Variants in GRIK1 observed in about 807,000 individuals in gnomAD.
GRIK1 encodes the protein glutamate receptor ionotropic, kainate 1.
GRIK1 carries 69 observed loss-of-function variants against 105.7 expected under a neutral mutation model. The ratio of observed to expected loss-of-function variants is 0.65; its 90% CI spans 0.54 to 0.80. GRIK1 has a LOEUF of 0.80. Among genes scored for constraint, GRIK1 ranks in the 30% least tolerant of loss-of-function variants. The probability of loss-of-function intolerance (pLI) is 0.00; values close to 1 mark genes in which losing one functional copy is unlikely to be tolerated. For synonymous variants in GRIK1, 438 were observed against 431.3 expected, an observed-to-expected ratio of 1.02 and a Z score of -0.19; for missense variants, 1,109 against 1,167.3, an observed-to-expected ratio of 0.95 and a Z score of 0.73.
chr21:29,740,353 G>A (rs2064896522), intron 1 of GRIK1, among the ~76,000 whole-genome samples: 1 of 152,044 alleles, frequency 6.6e-6, no homozygotes. Flanking sequence ...GAGTAGTTGG[G>A]ACTACAGGTA....
chr21:29,735,769 C>T (rs1486885101), intron 1 of GRIK1, among the ~76,000 whole-genome samples: 3 of 150,318 alleles, frequency 2.0e-5, no homozygotes, highest in Non-Finnish European at 2.9e-5. Context: ...TGGTAGCATG[C>T]ACCTGTAGTC....
chr21:29,754,119 G>A (rs2065275254), intron 1 of GRIK1, among the ~76,000 whole-genome samples: 1 of 152,118 alleles, frequency 6.6e-6, no homozygotes, highest in African/African-American at 2.4e-5. Flanking sequence ...ACTCTGCATA[G>A]TAAAATATTC....
At chr21:29,921,035 A>G (rs1257564382) in intron 1 of GRIK1, among the ~76,000 whole-genome samples, 1 of 152,148 alleles carries the variant, frequency 6.6e-6, no homozygotes, top group African/African-American at 2.4e-5. Flanking sequence ...CAACCTCAGC[A>G]CTGTTGGCAT....
intron 7 of GRIK1, among the ~76,000 whole-genome samples, chr21:29,630,305 T>C (rs879842644): frequency 6.6e-6 from 1 of 152,166 alleles, no homozygotes; most frequent in Non-Finnish European, 1.5e-5. Context: ...CCTATGCCCT[T>C]TGTAATTCCC....
intron 9 of GRIK1, among the ~76,000 whole-genome samples, chr21:29,594,214 C>T (rs114185387): frequency 0.019 from 2,917 of 151,924 alleles, 121 homozygotes; most frequent in African/African-American, 0.066. Context: ...TGTATGTGCA[C>T]GCATGTGTGT....
chr21:29,939,784 TCCCGGAG>T lies in GRIK1; in HGVS notation c.-291_-285del. ...CCGCGGAGGATCAGCGCTCTCTGGC[TCCCGGAG>T]CCCAGAGACCAGCTGAGGAAAGTTG... On this transcript the variant is annotated 5_prime_UTR_variant, in exon 1 of 18. It introduces an in-frame stop codon into an upstream open reading frame of the 5' UTR. Transcript: ENST00000327783. The T allele has an allele frequency of 3.2e-6, 1 of 316,366 alleles. No homozygotes were observed. Among genetic ancestry groups the T allele is most frequent in the African/African-American group, 2.1e-5 (1 of 46,608 alleles). The allele number at this position is 316,366 out of a possible 1,614,324, so 19.6% of individuals were successfully genotyped here.
chr21:29,936,965 C>G (rs2071779964), intron 1 of GRIK1, among the ~76,000 whole-genome samples: 1 of 152,172 alleles, frequency 6.6e-6, no homozygotes, highest in Middle Eastern at 3.4e-3. Context: ...TCTAGAGACC[C>G]TTTTTATTGG....
Position 29,858,855 on chromosome 21 carries a change from C to T in GRIK1, c.118+80528G>A, listed in dbSNP as rs527606109. Among the ~76,000 whole-genome samples the T allele has an allele frequency of 3.3e-5, 5 of 151,924 alleles. No individual in the cohort carries two copies. The East Asian group carries it at 9.8e-4, about 30-fold the overall frequency. ...TATACTCAAGGGGCCAAACACACAA[C>T]TTCTTTGCACACCTCCCCACAGGAT... On this transcript the variant is annotated intron_variant, in intron 1 of 17. Transcript: ENST00000327783.
chr21:29,904,695 C>T (rs1029804499), intron 1 of GRIK1, among the ~76,000 whole-genome samples: 3 of 152,126 alleles, frequency 2.0e-5, no homozygotes, highest in African/African-American at 7.2e-5. Flanking sequence ...ATGGGCCCTT[C>T]TGAACTCCCC....
At chr21:29,599,323 T>A (rs536697534) in intron 7 of GRIK1, among the ~76,000 whole-genome samples, 1 of 152,336 alleles carries the variant, frequency 6.6e-6, no homozygotes, top group Admixed American at 6.5e-5. Context: ...TGCTTTTTCT[T>A]TCTCTGTGAA....
intron 1 of GRIK1, among the ~76,000 whole-genome samples, chr21:29,928,641 C>T (rs1049166742): frequency 7.2e-5 from 11 of 152,308 alleles, no homozygotes; most frequent in South Asian, 2.1e-4. Flanking sequence ...CCCAAAGAGG[C>T]GCTGGGTAAG....
chr21:29,760,243 A>T (rs1174194984), intron 1 of GRIK1, among the ~76,000 whole-genome samples: 1 of 152,118 alleles, frequency 6.6e-6, no homozygotes, highest in Non-Finnish European at 1.5e-5. Flanking sequence ...TTCACCTCCA[A>T]CATGCTCTTG....
intron 1 of GRIK1, among the ~76,000 whole-genome samples, chr21:29,866,004 T>A (rs2832457): frequency 0.073 from 11,150 of 152,212 alleles, 423 homozygotes; most frequent in African/African-American, 0.11. Flanking sequence ...AGAACAAGGA[T>A]GACTGACATC....
At chr21:29,817,265 T>A (rs1343989889) in intron 1 of GRIK1, among the ~76,000 whole-genome samples, 1 of 152,068 alleles carries the variant, frequency 6.6e-6, no homozygotes, top group Non-Finnish European at 1.5e-5. Flanking sequence ...CATGAGTACA[T>A]AAAACTACTC....
At chr21:29,700,152 T>C (rs566029939) in intron 1 of GRIK1, among the ~76,000 whole-genome samples, 74 of 152,286 alleles carry the variant, frequency 4.9e-4, no homozygotes, top group African/African-American at 1.7e-3. Flanking sequence ...CTGTTTTGGG[T>C]AGACTCTTGA....
Position 29,537,302 on chromosome 21 carries a change from C to CA in GRIK1, c.2777_2778insT (p.Lys926AsnfsTer48). The CA allele has an allele frequency of 6.2e-7, 1 of 1,611,034 alleles. No individual in the cohort carries two copies. On this transcript the variant is annotated frameshift_variant, in exon 18 of 18. Coordinates refer to ENST00000327783, the MANE Select transcript of GRIK1 (RefSeq NM_001330994.2). LOFTEE classifies it high-confidence loss of function. Reference sequence around the variant, plus strand: ...GGATACTTGTGAAGGAAGATTTCCCCTTAGTTCTTGACTTTTTCTTTATTT... The same window carrying CA: ...GGATACTTGTGAAGGAAGATTTCCCCATTAGTTCTTGACTTTTTCTTTATTT...
chr21:29,560,279 T>TTTTTTC lies in GRIK1; in HGVS notation c.2356+1344_2356+1345insGAAAAA, dbSNP rs1178741384. Among the ~76,000 whole-genome samples, 3 of 69,880 alleles carry TTTTTTC rather than the reference T, an allele frequency of 4.3e-5. No individual in the cohort carries two copies. In the South Asian group the frequency reaches 1.7e-3, roughly 40 times the overall value. 45.8% of individuals were successfully genotyped at this position (69,880 alleles called of 152,430 possible). ...TATACCAGGACCTTATATGATACAG[T>TTTTTTC]TTTCTTTCTTTCTTTCTTTCTTTCT... On this transcript the variant is annotated intron_variant, in intron 15 of 17. Transcript: ENST00000327783.
chr21:29,554,351 A>C lies in GRIK1; in HGVS notation c.2607+701T>G, dbSNP rs371824309. On this transcript the variant is annotated intron_variant, in intron 16 of 17. Transcript: ENST00000327783. ...TTATGAAGGAATTATCTTAAATCAC[A>C]ATCAGCCTTTTCAAAAGAGTGTAAG... Among the ~76,000 whole-genome samples, 13 of 152,310 alleles carry C rather than the reference A, an allele frequency of 8.5e-5. No homozygotes were observed. In the East Asian group the frequency reaches 1.9e-3, roughly 23 times the overall value.
chr21:29,894,476 T>C (rs781525420), intron 1 of GRIK1, among the ~76,000 whole-genome samples: 3 of 152,196 alleles, frequency 2.0e-5, no homozygotes, highest in Non-Finnish European at 4.4e-5. Flanking sequence ...TCTGTTCTTC[T>C]GTCTTCTCCT....
Sources: gnomAD v4.1 joint callset for allele counts (sites outside exome capture counted in the v4.1 genomes callset) on GRCh38, gnomAD v4.1.1 for gene constraint, MANE v1.5 for transcripts, NCBI Gene and HGNC (gene_info 2026-07-23, HGNC 2026-07-21) for gene names.